Variants in GATA6 observed in about 807,000 individuals in gnomAD.
GATA6 encodes the protein GATA binding protein 6, also known as transcription factor GATA-6.
GATA6 carries 11 observed loss-of-function variants against 48.1 expected under a neutral mutation model. The ratio of observed to expected loss-of-function variants is 0.23; its 90% confidence interval spans 0.14 to 0.38. The LOEUF is 0.38. GATA6 is among the 10% of genes least tolerant of loss of function. The pLI is 1.00. For missense variants in GATA6, 795 were observed against 850.3 expected, an observed-to-expected ratio of 0.93 and a Z score of 0.81; for synonymous variants, 419 against 396.1, an observed-to-expected ratio of 1.06 and a Z score of -0.69.
At chr18:22,194,355 T>C (rs1454403668) in intron 6 of GATA6, among the ~76,000 whole-genome samples, 1 of 152,134 alleles carries the variant, frequency 6.6e-6, no homozygotes, top group Non-Finnish European at 1.5e-5. Context: ...AGATAAGCCT[T>C]GAATGGAAAC....
At chr18:22,199,361 G>C (rs757333184) in intron 6 of GATA6, among the ~76,000 whole-genome samples, 1 of 152,170 alleles carries the variant, frequency 6.6e-6, no homozygotes, top group Non-Finnish European at 1.5e-5. Context: ...ATAGAATGGA[G>C]CCCTGAAAGC....
intron 3 of GATA6, among the ~76,000 whole-genome samples, chr18:22,178,774 C>G (rs2033158199): frequency 6.6e-6 from 1 of 152,150 alleles, no homozygotes; most frequent in Non-Finnish European, 1.5e-5. Flanking sequence ...TTCATGTTTT[C>G]TTAAATGCAT....
At chr18:22,200,373 C>T (rs2033444514) in intron 6 of GATA6, among the ~76,000 whole-genome samples, 1 of 152,224 alleles carries the variant, frequency 6.6e-6, no homozygotes, top group African/African-American at 2.4e-5. Context: ...TTTTGTCCAG[C>T]TTTGCATCTT....
In GATA6 at chr18:22,171,136, G is replaced by T. The variant is rs1406199072; in HGVS notation, c.-9G>T. 6.3e-7 allele frequency: 1 copy of T among 1,599,398 alleles called. No individual in the cohort carries two copies. Among genetic ancestry groups the T allele is most frequent in the East Asian group, 2.2e-5 (1 of 44,824 alleles). On this transcript the variant is annotated 5_prime_UTR_variant, in exon 2 of 7. Coordinates refer to ENST00000269216, the MANE Select transcript of GATA6 (RefSeq NM_005257.6). The surrounding 1 kb of genome is among the most constrained non-coding windows in gnomAD (Gnocchi z 7.1). ...CTAGACGTCAGCTTGGAGCGGCGCC[G>T]GACCGTGGATGGCCTTGACTGACGG...
chr18:22,172,377 T>G lies in GATA6; in HGVS notation c.1135+98T>G. 2 of 1,467,494 alleles carry G rather than the reference T, an allele frequency of 1.4e-6. No homozygotes were observed. The highest frequency in any genetic ancestry group is 1.8e-6 in the Non-Finnish European group (2 of 1,109,482). The allele number at this position is 1,467,494 out of a possible 1,614,324, so 90.9% of individuals were successfully genotyped here. A position where few individuals can be genotyped will look rare whatever the true frequency, so the allele number is the denominator to read the frequency against. On this transcript the variant is annotated intron_variant, in intron 2 of 6. Transcript: ENST00000269216. The surrounding 1 kb of genome is among the most constrained non-coding windows in gnomAD (Gnocchi z 5.2). ...TCCACTCGGGCCCTGTTTTCAGGAC[T>G]TTCTCGTCCGGGTGCGCGGAGGTCG...
chr18:22,169,766 C>T (rs1234915075), intron 1 of GATA6, 84 bp downstream of exon 1: 1 of 152,300 alleles, frequency 6.6e-6, no homozygotes, highest in African/African-American at 2.4e-5. Context: ...CTCCGGCTCT[C>T]CGGCCCTCTC....
rs1186302813 is a variant in GATA6, at chr18:22,171,275, C to T, written c.131C>T (p.Ser44Phe). The T allele has an allele frequency of 5.0e-6, 8 of 1,595,460 alleles. No individual in the cohort carries two copies. Among genetic ancestry groups the T allele is most frequent in the Non-Finnish European group, 5.9e-6 (7 of 1,177,010 alleles). ...CCTTCCCCCATCTCTTCCTCGTCCT[C>T]CTCCTGCTCCCGGGGCGGAGAGCGG... The part of the protein sequence containing the change: ...TPPSPISSSS[S>F]SCSRGGERGP... The change falls in exon 2 of 7, where the codon TCC becomes TTC. Residue 44 changes from serine to phenylalanine, a missense_variant. Transcript: ENST00000269216. The surrounding 1 kb of genome is among the most constrained non-coding windows in gnomAD (Gnocchi z 7.1).
chr18:22,200,716 A>C lies in GATA6; in HGVS notation c.1681A>C (p.Lys561Gln). The C allele has an allele frequency of 1.2e-6, 2 of 1,614,198 alleles. No individual in the cohort carries two copies. Among genetic ancestry groups the C allele is most frequent in the East Asian group, 2.2e-5 (1 of 44,870 alleles). Residue 561 changes from lysine to glutamine, a missense_variant, in exon 7 of 7, where the codon AAG (lysine) becomes CAG (glutamine). This residue lies in a region of GATA6 where 103 missense variants were observed against 103.7 expected (regional missense o/e 0.99). Transcript: ENST00000269216. ...CACCAATCCCGAGAACAGCGAGCTC[A>C]AGTATTCGGGTCAAGATGGGCTCTA... ...ESTNPENSEL[K>Q]YSGQDGLYIG... is the part of the protein sequence containing the mutation.
Position 22,200,762 on chromosome 18 carries a change from C to T in GATA6, c.1727C>T (p.Ser576Leu). 6.2e-7 allele frequency: 1 copy of T among 1,613,968 alleles called. No individual in the cohort carries two copies. The highest frequency in any genetic ancestry group is 1.7e-5 in the Admixed American group (1 of 60,034). The change falls in exon 7 of 7, where the codon TCG becomes TTG. Residue 576 changes from serine to leucine, a missense_variant. Ser to Leu is a moderately radical substitution (Grantham distance 145). Coordinates refer to ENST00000269216, the MANE Select transcript of GATA6 (RefSeq NM_005257.6). ...CTCTACATAGGCGTCAGTCTCGCCTCGCCGGCCGAAGTCACGTCCTCCGTG... is the reference window on the plus strand; with the variant it reads ...CTCTACATAGGCGTCAGTCTCGCCTTGCCGGCCGAAGTCACGTCCTCCGTG... ...DGLYIGVSLA[S>L]PAEVTSSVRP...
chr18:22,172,308 C>T lies in GATA6; in HGVS notation c.1135+29C>T. ...AGGGTCGCGCCTCAGGTTCGGGGTG[C>T]GGGTCCAAAGCGCTGGGGCGCACGG... On this transcript the variant is annotated intron_variant, in intron 2 of 6. Transcript: ENST00000269216. This position sits in a 1 kb window ranked among gnomAD's most constrained non-coding sequence, Gnocchi z 5.2. The T allele has an allele frequency of 6.5e-7, 1 of 1,528,100 alleles. No homozygotes were observed. The highest frequency in any genetic ancestry group is 1.2e-5 in the South Asian group (1 of 83,558). 94.7% of individuals were successfully genotyped at this position (1,528,100 alleles called of 1,614,324 possible).
intron 2 of GATA6, among the ~76,000 whole-genome samples, chr18:22,176,264 C>T (rs1182112412): frequency 6.6e-6 from 1 of 152,144 alleles, no homozygotes; most frequent in Non-Finnish European, 1.5e-5. Flanking sequence ...GGGATTTTAG[C>T]ATTTGATCTT....
rs182163903 is a variant in GATA6, at chr18:22,171,070, G to C, written c.-37-38G>C. ...CAGCCTACGCTCTTGTTAACCCGTC[G>C]ATCTCCTACCATACCCGTCTCCCCC... On this transcript the variant is annotated intron_variant, in intron 1 of 6. Transcript: ENST00000269216. The surrounding 1 kb of genome is among the most constrained non-coding windows in gnomAD (Gnocchi z 7.1). The C allele has an allele frequency of 8.0e-4, 1,055 of 1,325,604 alleles. 8 individuals carry two copies. In the African/African-American group the frequency reaches 0.012, roughly 15 times the overall value. 82.1% of individuals were successfully genotyped at this position (1,325,604 alleles called of 1,614,324 possible).
chr18:22,176,644 C>G, intron 2 of GATA6: 1 of 319,430 alleles, frequency 3.1e-6, no homozygotes, highest in Non-Finnish European at 5.8e-6. Context: ...GAGTAGGGGT[C>G]AGGGGACTCA....
intron 3 of GATA6, among the ~76,000 whole-genome samples, chr18:22,177,944 GTTTTTTTGTTTTTT>G (rs1370463125): frequency 7.7e-5 from 6 of 77,886 alleles, no homozygotes; most frequent in African/African-American, 3.8e-4. Flanking sequence ...ACGTTTTACT[GTTTTTTTGTTTTTT>G]TTTTTTTTTT....
intron 1 of GATA6, among the ~76,000 whole-genome samples, chr18:22,169,932 C>T (rs1277360931): frequency 6.6e-6 from 1 of 152,238 alleles, no homozygotes; most frequent in African/African-American, 2.4e-5. Context: ...GTTATCTCGG[C>T]GCAAAGGGGC....
At chr18:22,200,254 G>A (rs16964670) in intron 6 of GATA6, among the ~76,000 whole-genome samples, 17,802 of 152,234 alleles carry the variant, frequency 0.12, 1,349 homozygotes, top group Admixed American at 0.21. Flanking sequence ...TGATCAGGTT[G>A]TGTGTGCATC....
At chr18:22,169,856 G>A (rs887863765) in intron 1 of GATA6, among the ~76,000 whole-genome samples, 174 bp downstream of exon 1, 3 of 152,310 alleles carry the variant, frequency 2.0e-5, no homozygotes, top group Non-Finnish European at 4.4e-5. Context: ...CCGGGACACC[G>A]CGGACCAACT....
rs974881646 is a variant in GATA6, at chr18:22,185,293, A to G, written c.1620+2250A>G. 2.0e-5 allele frequency among the ~76,000 whole-genome samples: 3 copies of G among 152,234 alleles called. No homozygotes were observed. The East Asian group carries it at 5.8e-4, about 29-fold the overall frequency. ...TCAGAGGAAAGATCAGTTCCCCACC[A>G]GAGGCCAGGAGGCAAAGCAACAAGG... On this transcript the variant is annotated intron_variant, in intron 6 of 6. Coordinates refer to ENST00000269216, the MANE Select transcript of GATA6 (RefSeq NM_005257.6). The surrounding 1 kb of genome is among the most constrained non-coding windows in gnomAD (Gnocchi z 4.3).
At chr18:22,177,150 C>G (rs1239545739) in intron 3 of GATA6, 29 bp downstream of exon 3, 1 of 1,535,124 alleles carries the variant, frequency 6.5e-7, no homozygotes, top group African/African-American at 1.4e-5. Flanking sequence ...GCCCCTGGCT[C>G]GCGGCCGGCC....
Sources: allele counts gnomAD v4.1 joint callset (sites outside exome capture counted in the v4.1 genomes callset), GRCh38; gene constraint gnomAD v4.1.1; regional missense constraint gnomAD v4.1.1; non-coding constraint Gnocchi (gnomAD v3.1); transcripts MANE v1.5; gene names NCBI Gene and HGNC (gene_info 2026-07-23, HGNC 2026-07-21).